ADGRG6: variants seen among roughly 807,000 people sequenced by gnomAD.
The protein encoded by ADGRG6 is G-protein coupled receptor 126.
In ADGRG6, 84 loss-of-function variants were observed where a neutral mutation model predicts 142.4. The ratio of observed to expected loss-of-function variants is 0.59; its 90% CI spans 0.49 to 0.71. The LOEUF (loss-of-function observed/expected upper bound fraction) is 0.71. Ranked by LOEUF, ADGRG6 falls within the 30% of genes least tolerant of loss-of-function variation. The pLI is 0.00. For missense variants in ADGRG6, 1,367 were observed against 1,466.6 expected, an observed-to-expected ratio of 0.93 and a Z score of 1.11; for synonymous variants, 521 against 520.5, an observed-to-expected ratio of 1.00 and a Z score of -0.01.
At chr6:142,310,109 T>C (rs1049673309) in intron 2 of ADGRG6, among the ~76,000 whole-genome samples, 3 of 152,044 alleles carry the variant, frequency 2.0e-5, no homozygotes, top group African/African-American at 4.8e-5. Context: ...ATTCAGTTTT[T>C]AGACTATGCA....
At chr6:142,353,419 G>T (rs931770085) in intron 2 of ADGRG6, among the ~76,000 whole-genome samples, 1 of 152,022 alleles carries the variant, frequency 6.6e-6, no homozygotes, top group Non-Finnish European at 1.5e-5. Context: ...CTTAGTGTAG[G>T]ATGTCTCCCT....
In ADGRG6 at chr6:142,314,981, T is replaced by TGTGTGTGTGTGTGTGTGTGA. The variant is rs1410347042; in HGVS notation, c.103+5356_103+5357insAGTGTGTGTGTGTGTGTGTG. Among the ~76,000 whole-genome samples the TGTGTGTGTGTGTGTGTGTGA allele has an allele frequency of 4.6e-5, 7 of 151,032 alleles. No individual in the cohort carries two copies. In the East Asian group the frequency reaches 1.4e-3, roughly 30 times the overall value. On this transcript the variant is annotated intron_variant, in intron 2 of 24. Coordinates refer to ENST00000367609, the MANE Select transcript of ADGRG6 (RefSeq NM_198569.3). ...ACAGTCCAATCATGGAGTGTGTGTG[T>TGTGTGTGTGTGTGTGTGTGA]GTGTGTGTGTGTGTGTGTGTGTGTT...
chr6:142,416,531 A>G (rs1562379842), intron 20 of ADGRG6, among the ~76,000 whole-genome samples: 1 of 152,170 alleles, frequency 6.6e-6, no homozygotes, highest in Non-Finnish European at 1.5e-5. Flanking sequence ...AACTTTTTGT[A>G]ATAACATGAG....
chr6:142,440,015 G>T (rs1300451293), intron 24 of ADGRG6, among the ~76,000 whole-genome samples: 1 of 152,058 alleles, frequency 6.6e-6, no homozygotes, highest in Admixed American at 6.6e-5. Flanking sequence ...TAATGAATAG[G>T]AATTAAACCA....
chr6:142,428,828 G>A lies in ADGRG6; in HGVS notation c.3320-8606G>A, dbSNP rs1777079102. 1.3e-5 allele frequency among the ~76,000 whole-genome samples: 2 copies of A among 151,838 alleles called. 1 individual carries two copies. The highest frequency in any genetic ancestry group is 4.2e-4 in the South Asian group (2 of 4,814). On this transcript the variant is annotated intron_variant, in intron 22 of 24. Transcript: ENST00000367609. ...ACAATTCAAGATGAGATTTGGGTGG[G>A]GACACAAAGCCAAACCATATCACCT...
intron 18 of ADGRG6, among the ~76,000 whole-genome samples, chr6:142,413,228 A>T (rs1236013561): frequency 6.6e-6 from 1 of 151,974 alleles, no homozygotes; most frequent in Non-Finnish European, 1.5e-5. Context: ...GAAACTCTTT[A>T]TTCACTTGTA....
At chr6:142,396,631 A>G (rs936594230) in intron 9 of ADGRG6, among the ~76,000 whole-genome samples, 1 of 152,110 alleles carries the variant, frequency 6.6e-6, no homozygotes, top group Non-Finnish European at 1.5e-5. Context: ...AAACAATACT[A>G]CCACTTTGTC....
At chr6:142,318,110 A>ATATAT (rs1382048838) in intron 2 of ADGRG6, among the ~76,000 whole-genome samples, 1 of 18,512 alleles carries the variant, frequency 5.4e-5, no homozygotes, top group Non-Finnish European at 7.4e-5. Context: ...ATTTATATAT[A>ATATAT]TTATATATTA....
At chr6:142,395,330 A>AT (rs1775121975) in intron 9 of ADGRG6, among the ~76,000 whole-genome samples, 1 of 152,112 alleles carries the variant, frequency 6.6e-6, no homozygotes, top group African/African-American at 2.4e-5. Flanking sequence ...GTTAGGTCAT[A>AT]TTGCATCTTC....
chr6:142,328,246 A>G (rs1435289816), intron 2 of ADGRG6, among the ~76,000 whole-genome samples: 2 of 152,180 alleles, frequency 1.3e-5, no homozygotes, highest in African/African-American at 2.4e-5. Flanking sequence ...TGTGTTGTCC[A>G]GGCTGAAGTG....
At chr6:142,442,250 T>C (rs1001240255) in intron 24 of ADGRG6, among the ~76,000 whole-genome samples, 3 of 152,172 alleles carry the variant, frequency 2.0e-5, no homozygotes, top group African/African-American at 7.2e-5. Flanking sequence ...AGAAGGTACA[T>C]AGGAAACTGA....
At chr6:142,330,079 C>T (rs1270429270) in intron 2 of ADGRG6, among the ~76,000 whole-genome samples, 1 of 151,514 alleles carries the variant, frequency 6.6e-6, no homozygotes, top group Non-Finnish European at 1.5e-5. Context: ...TTTGCCACTG[C>T]AATTTTTTTT....
chr6:142,302,740 G>A (rs1777291712), intron 1 of ADGRG6: 1 of 217,790 alleles, frequency 4.6e-6, no homozygotes, highest in Non-Finnish European at 9.0e-6. Context: ...GGCTTGGAAG[G>A]TACTAGTATG....
Position 142,383,854 on chromosome 6 carries a change from A to G in ADGRG6, c.1222+11A>G, listed in dbSNP as rs755936690. The stretch of plus-strand genomic sequence containing the variant: ...ATAAACAAAGGAATGGTAAGAAATC[A>G]TTACCTTTTATATTTTTAGTATGTC... On this transcript the variant is annotated intron_variant, in intron 6 of 24. Coordinates refer to ENST00000367609, the MANE Select transcript of ADGRG6 (RefSeq NM_198569.3). 23 of 1,312,982 alleles carry G rather than the reference A, an allele frequency of 1.8e-5. No homozygotes were observed. The highest frequency in any genetic ancestry group is 2.5e-5 in the Non-Finnish European group (23 of 910,578). The allele number at this position is 1,312,982 out of a possible 1,614,324, so 81.3% of individuals were successfully genotyped here. A position where few individuals can be genotyped will look rare whatever the true frequency, so the allele number is the denominator to read the frequency against.
At position 142,400,503 on chromosome 6, in the gene ADGRG6, A is replaced by T. The variant is rs756300996; in HGVS notation, c.1586A>T (p.Glu529Val). 5 of 1,560,806 alleles carry T rather than the reference A, an allele frequency of 3.2e-6. No homozygotes were observed. The highest frequency in any genetic ancestry group is 4.4e-6 in the Non-Finnish European group (5 of 1,132,202). The change falls in exon 11 of 25, where the codon GAG becomes GTG. Residue 529 changes from glutamate to valine, a missense_variant. By Grantham distance (121) the Glu-to-Val change is moderately radical. Around this residue, in one of 3 missense-constraint regions of ADGRG6, gnomAD observed 737 missense variants for 746.5 expected, o/e 0.99. Transcript: ENST00000367609. ...VRQLGHCLAM[E>V]EPKGYYWPSI... ...CATATAGGTCATTGTCTTGCCATGGAGGAACCCAAAGGCTACTACTGGCCA... is the reference window on the plus strand; with the variant it reads ...CATATAGGTCATTGTCTTGCCATGGTGGAACCCAAAGGCTACTACTGGCCA...
At chr6:142,387,253 C>T (rs773376762) in intron 6 of ADGRG6, among the ~76,000 whole-genome samples, 1 of 152,160 alleles carries the variant, frequency 6.6e-6, no homozygotes, top group Non-Finnish European at 1.5e-5. Context: ...GCTCAAACAT[C>T]ACTAGCTACT....
intron 2 of ADGRG6, among the ~76,000 whole-genome samples, chr6:142,350,383 G>T (rs1426274778): frequency 6.6e-6 from 1 of 152,156 alleles, no homozygotes; most frequent in Non-Finnish European, 1.5e-5. Flanking sequence ...AAAATGAAGT[G>T]CACAAGGTGG....
intron 2 of ADGRG6, among the ~76,000 whole-genome samples, chr6:142,314,558 G>C (rs887060047): frequency 3.9e-5 from 6 of 152,168 alleles, no homozygotes; most frequent in African/African-American, 1.4e-4. Context: ...GGCTGCGACT[G>C]TGAACTCCCT....
intron 5 of ADGRG6, among the ~76,000 whole-genome samples, chr6:142,382,309 C>G (rs549205629): frequency 2.0e-5 from 3 of 152,168 alleles, no homozygotes; most frequent in African/African-American, 7.2e-5. Flanking sequence ...TCCCCCATGT[C>G]TTCTCAAGAA....
Sources: allele counts gnomAD v4.1 joint callset (sites outside exome capture counted in the v4.1 genomes callset), GRCh38; gene constraint gnomAD v4.1.1; regional missense constraint gnomAD v4.1.1; transcripts MANE v1.5; gene names NCBI Gene and HGNC (gene_info 2026-07-23, HGNC 2026-07-21).